PPP1R12A: variants seen among roughly 807,000 people sequenced by gnomAD.
PPP1R12A encodes protein phosphatase 1 regulatory subunit 12A.
In PPP1R12A, 19 loss-of-function variants were observed where a neutral mutation model predicts 139.6. That is an observed-to-expected ratio of 0.14 (90% CI 0.09 to 0.20). The LOEUF (loss-of-function observed/expected upper bound fraction) is 0.20, where lower values mean the gene tolerates loss of function less well. Ranked by LOEUF, PPP1R12A falls within the 10% of genes least tolerant of loss-of-function variation. The probability of loss-of-function intolerance (pLI) is 1.00; values close to 1 mark genes in which losing one functional copy is unlikely to be tolerated. For synonymous variants in PPP1R12A, 427 were observed against 420.6 expected, an observed-to-expected ratio of 1.02 and a Z score of -0.19; for missense variants, 925 against 1,211.5, an observed-to-expected ratio of 0.76 and a Z score of 3.51.
In PPP1R12A at chr12:79,775,070, G is replaced by T. The variant is rs1285984735; in HGVS notation, c.*859C>A. ...AAATAGTCAAGCATGCCATGTGGTG[G>T]TCTAAAAATCAAAACAATACACTTA... On this transcript the variant is annotated 3_prime_UTR_variant, in exon 25 of 25. Transcript: ENST00000450142. The T allele has an allele frequency of 1.3e-5, 2 of 152,434 alleles. No homozygotes were observed. Among genetic ancestry groups the T allele is most frequent in the Non-Finnish European group, 2.9e-5 (2 of 67,968 alleles). 9.4% of individuals were successfully genotyped at this position (152,434 alleles called of 1,614,324 possible). A position where few individuals can be genotyped will look rare whatever the true frequency, so the allele number is the denominator to read the frequency against.
intron 8 of PPP1R12A, among the ~76,000 whole-genome samples, chr12:79,818,028 A>G (rs1875620225): frequency 6.6e-6 from 1 of 152,184 alleles, no homozygotes; most frequent in South Asian, 2.1e-4. Context: ...CCACTCCTAA[A>G]AAGTCTAAAG....
intron 4 of PPP1R12A, among the ~76,000 whole-genome samples, chr12:79,830,717 T>C (rs148298006): frequency 5.2e-4 from 79 of 152,324 alleles, no homozygotes; most frequent in African/African-American, 1.8e-3. Context: ...TTTTTTCATA[T>C]GCTTAAGGAC....
intron 3 of PPP1R12A, among the ~76,000 whole-genome samples, chr12:79,841,806 A>G (rs1878743935): frequency 6.6e-6 from 1 of 152,184 alleles, no homozygotes; most frequent in Non-Finnish European, 1.5e-5. Flanking sequence ...AGTTTACTCA[A>G]TTCTAGAAGA....
intron 4 of PPP1R12A, among the ~76,000 whole-genome samples, chr12:79,829,330 CCTT>C (rs1272158292): frequency 1.3e-5 from 2 of 152,068 alleles, no homozygotes; most frequent in South Asian, 4.1e-4. Flanking sequence ...TTGAGAAGGA[CCTT>C]CTTTTTACCT....
chr12:79,776,038 T>C (rs1869673546), intron 24 of PPP1R12A, 23 bp from the exon 25 acceptor site: 3 of 1,425,434 alleles, frequency 2.1e-6, no homozygotes, highest in Non-Finnish European at 2.9e-6. Context: ...AAATTGAAGA[T>C]CAAGTTTTAC....
In PPP1R12A at chr12:79,775,956, G is replaced by C; in HGVS notation, c.3066C>G (p.Ile1022Met). ...ATTTGGAAAGTTTGCTTATAACTCT[G>C]ATCAAGGCCCCATTTTCATCCTTTA... Reference protein sequence around the residue: ...QRLKDENGALIRVISKLSK With the variant: ...QRLKDENGALMRVISKLSK The change falls in exon 25 of 25, where the codon ATC (isoleucine) becomes ATG (methionine). Residue 1022 changes from isoleucine (I) to methionine (M), a missense_variant. Physicochemically the swap from Ile to Met is conservative, Grantham distance 10. Around this residue, in one of 4 missense-constraint regions of PPP1R12A, gnomAD observed 315 missense variants for 363.4 expected, o/e 0.87. Transcript: ENST00000450142. The C allele has an allele frequency of 6.3e-7, 1 of 1,591,778 alleles. No homozygotes were observed. The highest frequency in any genetic ancestry group is 8.6e-7 in the Non-Finnish European group (1 of 1,168,250).
chr12:79,874,605 G>A (rs10778693), intron 1 of PPP1R12A, among the ~76,000 whole-genome samples: 139,002 of 152,102 alleles, frequency 0.91, 63,810 homozygotes, highest in Middle Eastern at 0.95. Flanking sequence ...CATATAACCT[G>A]CAGAAACAAA....
At chr12:79,798,820 A>G (rs989368063) in intron 14 of PPP1R12A, among the ~76,000 whole-genome samples, 4 of 152,154 alleles carry the variant, frequency 2.6e-5, no homozygotes, top group Non-Finnish European at 5.9e-5. Context: ...TCCTAACTAC[A>G]TTTTTTAAAA....
rs80263781 is a variant in PPP1R12A, at chr12:79,811,237, T to C, written c.1240-1227A>G. Among the ~76,000 whole-genome samples the C allele has an allele frequency of 5.2e-3, 789 of 152,326 alleles. 5 individuals carry two copies. The highest frequency in any genetic ancestry group is 0.018 in the African/African-American group (750 of 41,562). ...CTTGTTAAAGCCCCCATGATGATGC[T>C]TGAGGGCCACTTCATGGACAAAACT... On this transcript the variant is annotated intron_variant, in intron 9 of 24. Transcript: ENST00000450142.
chr12:79,901,984 G>A (rs1023137255), intron 1 of PPP1R12A, among the ~76,000 whole-genome samples: 2 of 152,174 alleles, frequency 1.3e-5, no homozygotes, highest in African/African-American at 4.8e-5. Context: ...ATAAGAGCTG[G>A]AGATATGAAT....
chr12:79,885,395 TCTC>T (rs1380474321), intron 1 of PPP1R12A, among the ~76,000 whole-genome samples: 1 of 152,200 alleles, frequency 6.6e-6, no homozygotes, highest in Non-Finnish European at 1.5e-5. Context: ...TAAATTATTT[TCTC>T]CTTTTTATAT....
At chr12:79,926,054 T>C (rs1439228484) in intron 1 of PPP1R12A, among the ~76,000 whole-genome samples, 1 of 152,006 alleles carries the variant, frequency 6.6e-6, no homozygotes, top group African/African-American at 2.4e-5. Flanking sequence ...AGCCACTGCA[T>C]CCAGCCTAGA....
At chr12:79,880,656 A>G (rs2137375817) in intron 1 of PPP1R12A, among the ~76,000 whole-genome samples, 1 of 152,278 alleles carries the variant, frequency 6.6e-6, no homozygotes, top group Middle Eastern at 3.4e-3. Context: ...TTTAGGAAGA[A>G]GGGTGACGTG....
Position 79,867,235 on chromosome 12 carries a change from C to T in PPP1R12A, c.368+5573G>A, listed in dbSNP as rs770370921. The stretch of plus-strand genomic sequence containing the variant: ...ATCACAAGATCAGAAAACCAAACAC[C>T]GCATGTTCTCACTCATAAGTGGGAA... On this transcript the variant is annotated intron_variant, in intron 2 of 24. Transcript: ENST00000450142. 6.6e-5 allele frequency among the ~76,000 whole-genome samples: 10 copies of T among 152,128 alleles called. No individual in the cohort carries two copies. The East Asian group carries it at 9.7e-4, about 15-fold the overall frequency.
chr12:79,808,410 T>C, intron 11 of PPP1R12A, 73 bp downstream of exon 11: 1 of 1,007,910 alleles, frequency 9.9e-7, no homozygotes. Context: ...ATTACAATGC[T>C]CATGTATTAA....
intron 3 of PPP1R12A, among the ~76,000 whole-genome samples, chr12:79,835,632 G>A (rs1182524886): frequency 6.6e-6 from 1 of 152,022 alleles, no homozygotes; most frequent in African/African-American, 2.4e-5. Flanking sequence ...ATCTACTGCT[G>A]GACTGGAAAA....
At chr12:79,814,845 A>G (rs1248588185) in intron 9 of PPP1R12A, among the ~76,000 whole-genome samples, 1 of 144,560 alleles carries the variant, frequency 6.9e-6, no homozygotes, top group African/African-American at 2.6e-5. Context: ...AAAAAAATTC[A>G]AAATTTTTAC....
rs1049768725 is a variant in PPP1R12A at position 79,778,576 on chromosome 12, T to C, written c.2980A>G (p.Ile994Val). 3 of 1,534,706 alleles carry C rather than the reference T, an allele frequency of 2.0e-6. No homozygotes were observed. Among genetic ancestry groups the C allele is most frequent in the African/African-American group, 2.7e-5 (2 of 72,802 alleles). Residue 994 changes from isoleucine (I) to valine (V), a missense_variant, in exon 24 of 25, where the codon ATA becomes GTA. By Grantham distance (29) the Ile-to-Val change is conservative. Transcript: ENST00000450142. Reference sequence around the variant, plus strand: ...TTGAGCTCTTCTTCCATTTCAGATATTCTTCTTTCTAGAGCTCTTCGTTCC... The same window carrying C: ...TTGAGCTCTTCTTCCATTTCAGATACTCTTCTTTCTAGAGCTCTTCGTTCC... ...KRERRALERRISEMEEELKML... is the reference protein window; with the variant it reads ...KRERRALERRVSEMEEELKML...
At chr12:79,854,222 G>C (rs137902920) in intron 2 of PPP1R12A, among the ~76,000 whole-genome samples, 1 of 151,758 alleles carries the variant, frequency 6.6e-6, no homozygotes, top group Admixed American at 6.6e-5. Context: ...TGTGTGTGGC[G>C]GGGGGGCAGG....
Sources: gnomAD v4.1 joint callset for allele counts (sites outside exome capture counted in the v4.1 genomes callset) on GRCh38, gnomAD v4.1.1 for gene constraint, gnomAD v4.1.1 regional missense constraint, MANE v1.5 for transcripts, NCBI Gene and HGNC (gene_info 2026-07-23, HGNC 2026-07-21) for gene names.